The following EIF4E2 variants were observed in gnomAD, a reference collection of about 807,000 sequenced individuals.
EIF4E2 encodes eukaryotic translation initiation factor 4E type 2.
Under a neutral mutation model 34.2 loss-of-function variants are expected in EIF4E2, and 13 were observed. The observed-to-expected ratio is 0.38, with a 90% confidence interval of 0.25 to 0.60. The LOEUF (loss-of-function observed/expected upper bound fraction) is 0.60. Among genes scored for constraint, EIF4E2 ranks in the 20% least tolerant of loss-of-function variants. The pLI, the probability that EIF4E2 is intolerant of heterozygous loss-of-function variation, is 0.62. For missense variants in EIF4E2, 222 were observed against 315.1 expected (o/e 0.70, Z 2.24); for synonymous variants, 100 against 106.6 (o/e 0.94, Z 0.38).
In EIF4E2 at chr2:232,567,287, G is replaced by A. The variant is rs757618356; in HGVS notation, c.665+73G>A. ...AGTAGATCTGTAGTTGGGCCCAGAG[G>A]AATATGGCCGGACAGGAGACTTACT... On this transcript the variant is annotated intron_variant, in intron 6 of 6. Transcript: ENST00000258416. 1.0e-5 allele frequency: 16 copies of A among 1,593,582 alleles called. No individual in the cohort carries two copies. In the Admixed American group the frequency reaches 2.4e-4, roughly 24 times the overall value.
downstream of EIF4E2, among the ~76,000 whole-genome samples, chr2:232,571,123 C>T (rs531905140): frequency 3.9e-5 from 6 of 152,304 alleles, no homozygotes; most frequent in African/African-American, 1.2e-4. Flanking sequence ...CTTCTTCAAC[C>T]GTTGGGTTTT....
chr2:232,574,095 C>T (rs746872111), downstream of EIF4E2: 27 of 755,012 alleles, frequency 3.6e-5, no homozygotes, highest in South Asian at 2.8e-4. Flanking sequence ...CTCTGCTCCT[C>T]GGAAAGGAAA....
At chr2:232,568,378 C>CA in intron 6 of EIF4E2, 1 of 985,420 alleles carries the variant, frequency 1.0e-6, no homozygotes, top group Non-Finnish European at 1.2e-6. Context: ...TCATCATAGT[C>CA]ACGAACAGTT....
intron 6 of EIF4E2, among the ~76,000 whole-genome samples, chr2:232,575,877 C>A (rs1362768035): frequency 6.6e-6 from 1 of 151,700 alleles, no homozygotes; most frequent in Non-Finnish European, 1.5e-5. Flanking sequence ...TTTTTTCAAT[C>A]CTGTTCCTTC....
At position 232,566,757 on chromosome 2, in the gene EIF4E2, T is replaced by G; in HGVS notation, c.376-72T>G. 6.4e-7 allele frequency: 1 copy of G among 1,573,936 alleles called. No homozygotes were observed. The highest frequency in any genetic ancestry group is 8.7e-7 in the Non-Finnish European group (1 of 1,154,756). ...TCTTAGTGTTTAAGAGATTCTTGGCTTTTTACTGCCTTCATACAAAAAAAG... is the reference window on the plus strand; with the variant it reads ...TCTTAGTGTTTAAGAGATTCTTGGCGTTTTACTGCCTTCATACAAAAAAAG... On this transcript the variant is annotated intron_variant, in intron 4 of 6. Coordinates refer to ENST00000258416, the MANE Select transcript of EIF4E2 (RefSeq NM_004846.4). This position sits in a 1 kb window ranked among gnomAD's most constrained non-coding sequence, Gnocchi z 4.9.
chr2:232,569,712 C>G (rs983780005), downstream of EIF4E2: 3 of 152,206 alleles, frequency 2.0e-5, no homozygotes, highest in African/African-American at 7.3e-5. Context: ...AGCTCTTTTC[C>G]AGCCTTCTCC....
intron 6 of EIF4E2, among the ~76,000 whole-genome samples, chr2:232,577,557 G>A (rs1693252095): frequency 6.6e-6 from 1 of 152,172 alleles, no homozygotes; most frequent in East Asian, 1.9e-4. Flanking sequence ...TTCTCTAAAA[G>A]TACTAAAAGA....
chr2:232,574,292 A>G, intron 6 of EIF4E2: 7 of 1,550,506 alleles, frequency 4.5e-6, no homozygotes, highest in Non-Finnish European at 5.2e-6. Context: ...GGCCTGGTGA[A>G]CAGCAGCGGC....
intron 1 of EIF4E2, among the ~76,000 whole-genome samples, chr2:232,552,731 A>G (rs1692388231): frequency 6.6e-6 from 1 of 151,902 alleles, no homozygotes; most frequent in Admixed American, 6.6e-5. Context: ...GGGTCATTTT[A>G]ATTACTTTGA....
intron 6 of EIF4E2, chr2:232,574,425 C>A: frequency 7.2e-7 from 1 of 1,388,278 alleles, no homozygotes; most frequent in South Asian, 1.2e-5. Flanking sequence ...CCCAAACTTG[C>A]CTCTACCAAC....
At chr2:232,564,478 G>C in intron 4 of EIF4E2, 127 bp downstream of exon 4, 1 of 550,728 alleles carries the variant, frequency 1.8e-6, no homozygotes, top group Non-Finnish European at 3.1e-6. Flanking sequence ...TTGAGACGGA[G>C]TGTCGCTCTG....
chr2:232,568,266 A>G (rs1693004296), intron 6 of EIF4E2: 1 of 985,400 alleles, frequency 1.0e-6, no homozygotes, highest in Non-Finnish European at 1.2e-6. Context: ...CCATGCATTC[A>G]TAGATAATGT....
intron 6 of EIF4E2, among the ~76,000 whole-genome samples, chr2:232,577,479 C>T (rs181619137): frequency 2.6e-5 from 4 of 152,300 alleles, no homozygotes; most frequent in South Asian, 2.1e-4. Flanking sequence ...ACTTTGCCCC[C>T]CTGTCATCCA....
In EIF4E2 at chr2:232,566,439, C is replaced by G. The variant is rs942815644; in HGVS notation, c.376-390C>G. 2.0e-5 allele frequency among the ~76,000 whole-genome samples: 3 copies of G among 152,224 alleles called. No individual in the cohort carries two copies. Among genetic ancestry groups the G allele is most frequent in the African/African-American group, 7.2e-5 (3 of 41,456 alleles). On this transcript the variant is annotated intron_variant, in intron 4 of 6. Coordinates refer to ENST00000258416, the MANE Select transcript of EIF4E2 (RefSeq NM_004846.4). This position sits in a 1 kb window ranked among gnomAD's most constrained non-coding sequence, Gnocchi z 4.9. ...TCTCCTCACCTCGTGATTCGCCCAC[C>G]TCAGCCTTCCAAAGTGTTGGGATTA...
At chr2:232,576,536 G>A (rs1332277515) in intron 6 of EIF4E2, among the ~76,000 whole-genome samples, 1 of 152,140 alleles carries the variant, frequency 6.6e-6, no homozygotes, top group African/African-American at 2.4e-5. Flanking sequence ...CAGACGAAGA[G>A]AACACTCGTG....
In EIF4E2 at chr2:232,564,288, T is replaced by C. The variant is rs764330902; in HGVS notation, c.312T>C (p.Pro104=). 9 of 1,599,650 alleles carry C rather than the reference T, an allele frequency of 5.6e-6. No individual in the cohort carries two copies. The African/African-American group carries it at 8.0e-5, about 14-fold the overall frequency. Residue 104 remains proline (P), a synonymous_variant, in exon 4 of 7, where the codon CCT becomes CCC. Coordinates refer to ENST00000258416, the MANE Select transcript of EIF4E2 (RefSeq NM_004846.4). ...GGTTTTATAGCCACATGGTACGTCCTGGGGACCTGACAGGCCACAGTGACT... is the reference window on the plus strand; with the variant it reads ...GGTTTTATAGCCACATGGTACGTCCCGGGGACCTGACAGGCCACAGTGACT... The part of the protein sequence containing the change: ...FWRFYSHMVR[P]GDLTGHSDFH...
intron 1 of EIF4E2, among the ~76,000 whole-genome samples, chr2:232,552,723 G>T (rs200061490): frequency 7.9e-5 from 12 of 151,850 alleles, no homozygotes; most frequent in Middle Eastern, 3.4e-3. Flanking sequence ...AAGAACCTGG[G>T]TCATTTTAAT....
chr2:232,566,470 G>A lies in EIF4E2; in HGVS notation c.376-359G>A, dbSNP rs1408799632. On this transcript the variant is annotated intron_variant, in intron 4 of 6. Coordinates refer to ENST00000258416, the MANE Select transcript of EIF4E2 (RefSeq NM_004846.4). This position sits in a 1 kb window ranked among gnomAD's most constrained non-coding sequence, Gnocchi z 4.9. ...CTTCCAAAGTGTTGGGATTACGGGC[G>A]TGAGCCACTGCGCCCAGCAGACATT... Among the ~76,000 whole-genome samples, 4 of 152,228 alleles carry A rather than the reference G, an allele frequency of 2.6e-5. No individual in the cohort carries two copies. The highest frequency in any genetic ancestry group is 4.4e-5 in the Non-Finnish European group (3 of 68,040).
intron 4 of EIF4E2, 69 bp downstream of exon 4, chr2:232,564,420 T>G: frequency 1.2e-6 from 1 of 820,816 alleles, no homozygotes; most frequent in Non-Finnish European, 1.9e-6. Flanking sequence ...CTCTTAGCCC[T>G]GCCAAGGTTA....
Sources: allele counts gnomAD v4.1 joint callset (sites outside exome capture counted in the v4.1 genomes callset), GRCh38; gene constraint gnomAD v4.1.1; non-coding constraint Gnocchi (gnomAD v3.1); transcripts MANE v1.5; gene names NCBI Gene and HGNC (gene_info 2026-07-23, HGNC 2026-07-21).